POU6F2: variants seen among roughly 807,000 people sequenced by gnomAD.
POU6F2 encodes POU class 6 homeobox 2.
A neutral mutation model predicts 71.3 loss-of-function variants in POU6F2; 31 were observed. The observed-to-expected ratio is 0.43, with a 90% CI of 0.33 to 0.59. The LOEUF is 0.59. POU6F2 is among the 20% of genes least tolerant of loss of function. POU6F2 has a pLI of 0.04. For missense variants in POU6F2, 783 were observed against 856.8 expected, an observed-to-expected ratio of 0.91 and a Z score of 1.07; for synonymous variants, 347 against 355.7, an observed-to-expected ratio of 0.98 and a Z score of 0.27.
At chr7:39,098,045 A>G (rs929067272) in intron 2 of POU6F2, among the ~76,000 whole-genome samples, 3 of 152,184 alleles carry the variant, frequency 2.0e-5, no homozygotes, top group Admixed American at 1.3e-4. Flanking sequence ...GGTTTGGTGC[A>G]TATGCCGTGG....
intron 1 of POU6F2, among the ~76,000 whole-genome samples, chr7:39,000,066 G>A (rs555388484): frequency 3.3e-5 from 5 of 152,212 alleles, no homozygotes; most frequent in Admixed American, 6.5e-5. Context: ...ATTTTAGTTC[G>A]TTTTGTAATT....
chr7:39,340,407 A>G (rs1267777597), intron 5 of POU6F2, among the ~76,000 whole-genome samples: 1 of 152,210 alleles, frequency 6.6e-6, no homozygotes. Context: ...TCTACTGTCC[A>G]TGAGGCATGG....
chr7:39,109,632 A>G lies in POU6F2; in HGVS notation c.277+23601A>G, dbSNP rs544129417. On this transcript the variant is annotated intron_variant, in intron 2 of 9. Coordinates refer to ENST00000518318, the MANE Select transcript of POU6F2 (RefSeq NM_001370959.1). ...ATAGGATTGGTAAAAAGTATTGTTT[A>G]GTTTGATAGTATAATTTATACTGTA... Among the ~76,000 whole-genome samples the G allele has an allele frequency of 5.3e-5, 8 of 152,320 alleles. No homozygotes were observed. The East Asian group carries it at 1.5e-3, about 29-fold the overall frequency.
At chr7:39,086,732 G>A (rs1333695123) in intron 2 of POU6F2, among the ~76,000 whole-genome samples, 1 of 152,068 alleles carries the variant, frequency 6.6e-6, no homozygotes, top group Admixed American at 6.6e-5. Context: ...CAAGCAGAGT[G>A]CCACTCCAGC....
chr7:39,134,788 C>T (rs868119575), intron 2 of POU6F2, among the ~76,000 whole-genome samples: 2 of 152,188 alleles, frequency 1.3e-5, no homozygotes, highest in Admixed American at 6.5e-5. Flanking sequence ...TGGCTAGTCT[C>T]TGTTCCGGAG....
intron 4 of POU6F2, among the ~76,000 whole-genome samples, chr7:39,235,902 G>A (rs1046672583): frequency 3.3e-5 from 5 of 152,064 alleles, no homozygotes; most frequent in Non-Finnish European, 7.4e-5. Context: ...CCAATCGAGA[G>A]CATCATTTGA....
rs1383516173 is a variant in POU6F2, at chr7:39,102,072, C to A, written c.277+16041C>A. 5.9e-5 allele frequency among the ~76,000 whole-genome samples: 9 copies of A among 152,218 alleles called. No individual in the cohort carries two copies. In the East Asian group the frequency reaches 1.7e-3, roughly 29 times the overall value. The stretch of plus-strand genomic sequence containing the variant: ...CAGCTATCAGCCTTTATGAAAAAAT[C>A]CACAGAATCATCAGAGCAGTACATT... On this transcript the variant is annotated intron_variant, in intron 2 of 9. Coordinates refer to ENST00000518318, the MANE Select transcript of POU6F2 (RefSeq NM_001370959.1).
intron 9 of POU6F2, among the ~76,000 whole-genome samples, chr7:39,463,641 A>G (rs1199692588): frequency 1.3e-5 from 2 of 152,220 alleles, no homozygotes; most frequent in African/African-American, 4.8e-5. Flanking sequence ...AGAGATAAAA[A>G]GAGAGCCATA....
At chr7:39,091,203 C>T (rs1306008568) in intron 2 of POU6F2, among the ~76,000 whole-genome samples, 1 of 152,054 alleles carries the variant, frequency 6.6e-6, no homozygotes, top group Non-Finnish European at 1.5e-5. Context: ...AACTTTTCAC[C>T]ATATTTGTTT....
chr7:39,382,043 A>AAACAAT (rs1786839474), intron 5 of POU6F2, among the ~76,000 whole-genome samples: 1 of 150,306 alleles, frequency 6.7e-6, no homozygotes, highest in Admixed American at 6.6e-5. Context: ...ACACACAAGC[A>AAACAAT]AATAATAATA....
chr7:39,290,448 A>G (rs1784730807), intron 4 of POU6F2, among the ~76,000 whole-genome samples: 1 of 152,238 alleles, frequency 6.6e-6, no homozygotes, highest in Admixed American at 6.5e-5. Flanking sequence ...CTCGATTCTA[A>G]ACATGGGTAG....
intron 2 of POU6F2, among the ~76,000 whole-genome samples, chr7:39,165,680 A>G (rs970281451): frequency 4.6e-5 from 7 of 152,224 alleles, no homozygotes; most frequent in African/African-American, 9.6e-5. Context: ...TTCCAAGATC[A>G]AGATGCTTAA....
At chr7:39,376,557 A>G (rs1477945940) in intron 5 of POU6F2, among the ~76,000 whole-genome samples, 1 of 152,226 alleles carries the variant, frequency 6.6e-6, no homozygotes, top group Non-Finnish European at 1.5e-5. Context: ...CCTGGATAAC[A>G]TTCTCATGCT....
chr7:39,407,997 C>T (rs1787475682), intron 6 of POU6F2, among the ~76,000 whole-genome samples: 1 of 152,210 alleles, frequency 6.6e-6, no homozygotes, highest in Non-Finnish European at 1.5e-5. Context: ...CTGCTTTAAC[C>T]CTTGTTCCAA....
chr7:39,224,004 G>C (rs1230666389), intron 4 of POU6F2, among the ~76,000 whole-genome samples: 1 of 152,068 alleles, frequency 6.6e-6, no homozygotes, highest in Non-Finnish European at 1.5e-5. Flanking sequence ...TTTTGTTTAA[G>C]TCAAGTGTGA....
At chr7:39,289,585 T>C (rs546646090) in intron 4 of POU6F2, among the ~76,000 whole-genome samples, 1 of 152,340 alleles carries the variant, frequency 6.6e-6, no homozygotes, top group Non-Finnish European at 1.5e-5. Flanking sequence ...CTGTCTGTGA[T>C]TCAGTTCCAA....
chr7:39,121,379 T>G (rs1792037658), intron 2 of POU6F2, among the ~76,000 whole-genome samples: 1 of 152,244 alleles, frequency 6.6e-6, no homozygotes, highest in Non-Finnish European at 1.5e-5. Flanking sequence ...ATGCTGGCTT[T>G]CATTACCAAA....
intron 5 of POU6F2, among the ~76,000 whole-genome samples, chr7:39,371,125 A>T (rs539258099): frequency 6.6e-6 from 1 of 152,012 alleles, no homozygotes; most frequent in Non-Finnish European, 1.5e-5. Flanking sequence ...TTTACAGTCA[A>T]TGGAATCAAG....
chr7:39,330,242 C>A (rs1785611627), intron 4 of POU6F2, among the ~76,000 whole-genome samples: 1 of 152,224 alleles, frequency 6.6e-6, no homozygotes. Context: ...AGTTCACTTA[C>A]AACATCTCTC....
Sources: gnomAD v4.1 joint callset for allele counts (sites outside exome capture counted in the v4.1 genomes callset) on GRCh38, gnomAD v4.1.1 for gene constraint, MANE v1.5 for transcripts, NCBI Gene and HGNC (gene_info 2026-07-23, HGNC 2026-07-21) for gene names.